Variants in TAFA1 observed in about 807,000 individuals in gnomAD.
TAFA1 encodes the protein chemokine-like protein TAFA-1.
A neutral mutation model predicts 18.5 loss-of-function variants in TAFA1; 4 were observed. The observed-to-expected ratio is 0.22, with a 90% CI of 0.11 to 0.49. TAFA1 has a LOEUF of 0.49. Ranked by LOEUF, TAFA1 falls within the 20% of genes least tolerant of loss-of-function variation. TAFA1 has a pLI of 0.98. For missense variants in TAFA1, 147 were observed against 169.0 expected (o/e 0.87, Z 0.72); for synonymous variants, 56 against 55.2 (o/e 1.01, Z -0.06).
chr3:68,289,482 G>A (rs2068072733), intron 2 of TAFA1, among the ~76,000 whole-genome samples: 1 of 152,032 alleles, frequency 6.6e-6, no homozygotes, highest in Non-Finnish European at 1.5e-5. Context: ...TTTGGTGTTA[G>A]TGTGAGAGTC....
At chr3:68,434,454 A>G (rs1421048986) in intron 3 of TAFA1, among the ~76,000 whole-genome samples, 1 of 152,082 alleles carries the variant, frequency 6.6e-6, no homozygotes, top group Non-Finnish European at 1.5e-5. Flanking sequence ...ATTAGATACC[A>G]TACCTAAGAT....
intron 2 of TAFA1, among the ~76,000 whole-genome samples, chr3:68,267,550 G>C (rs2067571800): frequency 6.6e-6 from 1 of 152,124 alleles, no homozygotes; most frequent in South Asian, 2.1e-4. Flanking sequence ...TTGGTGCCCT[G>C]ATTCAAGTAA....
intron 4 of TAFA1, among the ~76,000 whole-genome samples, chr3:68,539,998 C>T (rs1194310204): frequency 2.0e-5 from 3 of 152,090 alleles, no homozygotes; most frequent in Non-Finnish European, 2.9e-5. Context: ...TACCAAAGGT[C>T]TGATGTATTT....
At chr3:68,343,375 G>A (rs955510160) in intron 2 of TAFA1, among the ~76,000 whole-genome samples, 6 of 152,128 alleles carry the variant, frequency 3.9e-5, no homozygotes, top group African/African-American at 1.4e-4. Context: ...AATAATATGT[G>A]ATTCTTATGT....
chr3:68,374,983 G>T (rs1302964302), intron 2 of TAFA1, among the ~76,000 whole-genome samples: 1 of 151,980 alleles, frequency 6.6e-6, no homozygotes, highest in Non-Finnish European at 1.5e-5. Context: ...CTCGGTGATG[G>T]CTTCGTCAAC....
At chr3:68,074,193 C>T (rs938900940) in intron 2 of TAFA1, among the ~76,000 whole-genome samples, 1 of 152,108 alleles carries the variant, frequency 6.6e-6, no homozygotes, top group Non-Finnish European at 1.5e-5. Context: ...GAATTTAACA[C>T]CACCACTGAT....
At chr3:68,246,458 C>A (rs1473237263) in intron 2 of TAFA1, among the ~76,000 whole-genome samples, 1 of 151,324 alleles carries the variant, frequency 6.6e-6, no homozygotes, top group African/African-American at 2.4e-5. Flanking sequence ...GGCGTGGTGG[C>A]GGGCGCCTGT....
chr3:68,299,416 T>A (rs1315482081), intron 2 of TAFA1, among the ~76,000 whole-genome samples: 1 of 152,170 alleles, frequency 6.6e-6, no homozygotes, highest in Non-Finnish European at 1.5e-5. Flanking sequence ...AAGATGTGAC[T>A]TGGGTGCTCA....
intron 2 of TAFA1, among the ~76,000 whole-genome samples, chr3:68,187,642 G>A (rs2066287391): frequency 6.6e-6 from 1 of 151,948 alleles, no homozygotes; most frequent in Non-Finnish European, 1.5e-5. Context: ...TGTGTTTTGG[G>A]AGCATGTGTC....
At chr3:68,277,977 A>G (rs1276049035) in intron 2 of TAFA1, among the ~76,000 whole-genome samples, 1 of 152,148 alleles carries the variant, frequency 6.6e-6, no homozygotes, top group Non-Finnish European at 1.5e-5. Flanking sequence ...TTCTCTCAAA[A>G]TTATTGTTAT....
chr3:68,102,999 C>T (rs76159090), intron 2 of TAFA1, among the ~76,000 whole-genome samples: 1 of 152,110 alleles, frequency 6.6e-6, no homozygotes, highest in African/African-American at 2.4e-5. Context: ...TTTCTTTCTT[C>T]CCTGAGTTTA....
At chr3:68,042,327 G>A (rs961256677) in intron 2 of TAFA1, among the ~76,000 whole-genome samples, 2 of 152,188 alleles carry the variant, frequency 1.3e-5, no homozygotes, top group Non-Finnish European at 1.5e-5. Context: ...AGCAGATATT[G>A]TTTTCAATTT....
intron 2 of TAFA1, among the ~76,000 whole-genome samples, chr3:68,365,059 G>A (rs1378403172): frequency 6.6e-6 from 1 of 152,168 alleles, no homozygotes; most frequent in Admixed American, 6.5e-5. Flanking sequence ...GTTTATTGGA[G>A]TGGGGCACAG....
At chr3:68,212,548 T>G (rs2066609697) in intron 2 of TAFA1, among the ~76,000 whole-genome samples, 1 of 152,026 alleles carries the variant, frequency 6.6e-6, no homozygotes, top group Non-Finnish European at 1.5e-5. Context: ...GAGCAGTCAC[T>G]TTTCTTTCCT....
intron 2 of TAFA1, among the ~76,000 whole-genome samples, chr3:68,404,096 A>G (rs1168226436): frequency 6.6e-6 from 1 of 152,186 alleles, no homozygotes; most frequent in African/African-American, 2.4e-5. Flanking sequence ...CAACCTCATG[A>G]TGAAAGTATT....
At chr3:68,385,003 T>C (rs532512311) in intron 2 of TAFA1, among the ~76,000 whole-genome samples, 1 of 152,268 alleles carries the variant, frequency 6.6e-6, no homozygotes, top group South Asian at 2.1e-4. Flanking sequence ...TTTTTGTTTG[T>C]TTTTCATTGG....
At chr3:68,482,614 C>G (rs1290057350) in intron 3 of TAFA1, among the ~76,000 whole-genome samples, 1 of 152,176 alleles carries the variant, frequency 6.6e-6, no homozygotes, top group East Asian at 1.9e-4. Flanking sequence ...CCTACTTCTC[C>G]TGGTTTAAAA....
At chr3:68,468,886 C>A (rs2071939235) in intron 3 of TAFA1, among the ~76,000 whole-genome samples, 1 of 152,184 alleles carries the variant, frequency 6.6e-6, no homozygotes, top group Non-Finnish European at 1.5e-5. Context: ...ACTTTAGAAA[C>A]TGCCAACTCA....
intron 2 of TAFA1, among the ~76,000 whole-genome samples, chr3:68,064,596 G>T (rs2106733393): frequency 6.6e-6 from 1 of 152,204 alleles, no homozygotes; most frequent in African/African-American, 2.4e-5. Flanking sequence ...CGGTAATCCG[G>T]ACTTCCTACA....
Sources: allele counts gnomAD v4.1 joint callset (sites outside exome capture counted in the v4.1 genomes callset), GRCh38; gene constraint gnomAD v4.1.1; transcripts MANE v1.5; gene names NCBI Gene and HGNC (gene_info 2026-07-23, HGNC 2026-07-21).